The following OR4D11 variants were observed in gnomAD, a reference collection of about 807,000 sequenced individuals.
The protein encoded by OR4D11 is olfactory receptor 4D11.
Under a neutral mutation model 11.7 loss-of-function variants are expected in OR4D11, and 11 were observed. The observed-to-expected ratio is 0.94, with a 90% confidence interval of 0.59 to 1.56. The LOEUF is 1.56. OR4D11 is among the 40% of genes most tolerant of loss of function. The probability of loss-of-function intolerance (pLI) is 0.00; values close to 1 mark genes in which losing one functional copy is unlikely to be tolerated. For synonymous variants in OR4D11, 165 were observed against 150.0 expected (o/e 1.10, Z -0.73); for missense variants, 384 against 373.9 (o/e 1.03, Z -0.22).
rs750585134 is a variant in OR4D11, at chr11:59,504,054, T to A, written c.479T>A (p.Ile160Asn). 2 of 1,614,120 alleles carry A rather than the reference T, an allele frequency of 1.2e-6. No homozygotes were observed. The highest frequency in any genetic ancestry group is 1.7e-6 in the Non-Finnish European group (2 of 1,179,988). Residue 160 changes from isoleucine to asparagine, a missense_variant, in exon 1 of 1, where the codon ATC (isoleucine) becomes AAC (asparagine). Physicochemically the swap from Ile to Asn is moderately radical, Grantham distance 149 (BLOSUM62 -3). Transcript: ENST00000313253. ...GGCTTTGTCCACTCCATCGTGCAGATCTCCCTGTTGCTGCCTCTCCCTTTC... is the reference window on the plus strand; with the variant it reads ...GGCTTTGTCCACTCCATCGTGCAGAACTCCCTGTTGCTGCCTCTCCCTTTC... ...MGGFVHSIVQ[I>N]SLLLPLPFCG...
In OR4D11 at chr11:59,504,089, A is replaced by C. The variant is rs1263639826; in HGVS notation, c.514A>C (p.Asn172His). The change falls in exon 1 of 1, where the codon AAT (asparagine) becomes CAT (histidine). Residue 172 changes from asparagine (N) to histidine (H), a missense_variant. Transcript: ENST00000313253. ...GCTGCCTCTCCCTTTCTGTGGACCC[A>C]ATGTTCTTGACACTTTCTACTGCGA... The part of the protein sequence containing the change: ...LLLPLPFCGP[N>H]VLDTFYCDVP... The C allele has an allele frequency of 6.2e-7, 1 of 1,614,100 alleles. No homozygotes were observed. Among genetic ancestry groups the C allele is most frequent in the Non-Finnish European group, 8.5e-7 (1 of 1,180,016 alleles).
chr11:59,504,268 G>A lies in OR4D11; in HGVS notation c.693G>A (p.Gly231=). The change falls in exon 1 of 1, where the codon GGG becomes GGA. Residue 231 remains glycine (G), a synonymous_variant. Coordinates refer to ENST00000313253, the MANE Select transcript of OR4D11 (RefSeq NM_001004706.1). ...TGACGCTGAGGTCTCAGGCAGGAGG[G>A]GGCAGGAGGAAAGCCATCTCCACTT... ...ILMTLRSQAG[G]GRRKAISTCT... 6.2e-7 allele frequency: 1 copy of A among 1,614,106 alleles called. No homozygotes were observed. Among genetic ancestry groups the A allele is most frequent in the Non-Finnish European group, 8.5e-7 (1 of 1,180,004 alleles).
rs1348123529 is a variant in OR4D11, at chr11:59,504,134, C to T, written c.559C>T (p.Leu187Phe). Residue 187 changes from leucine to phenylalanine, a missense_variant, in exon 1 of 1, where the codon CTC becomes TTC. Physicochemically the swap from Leu to Phe is conservative, Grantham distance 22. Transcript: ENST00000313253. ...FYCDVPQVLK[L>F]TCTDTFALEF... is the part of the protein sequence containing the mutation. ...CTGCGATGTCCCCCAGGTCCTCAAA[C>T]TCACTTGCACTGACACTTTTGCTCT... The T allele has an allele frequency of 1.9e-6, 3 of 1,614,228 alleles. No homozygotes were observed. In the South Asian group the frequency reaches 3.3e-5, roughly 18 times the overall value.
Position 59,504,092 on chromosome 11 carries a change from G to A in OR4D11, c.517G>A (p.Val173Ile), listed in dbSNP as rs748877102. The A allele has an allele frequency of 3.1e-6, 5 of 1,614,030 alleles. No individual in the cohort carries two copies. The highest frequency in any genetic ancestry group is 1.6e-4 in the Middle Eastern group (1 of 6,082). The change falls in exon 1 of 1, where the codon GTT becomes ATT. Residue 173 changes from valine (V) to isoleucine (I), a missense_variant. Coordinates refer to ENST00000313253, the MANE Select transcript of OR4D11 (RefSeq NM_001004706.1). ...LLPLPFCGPNVLDTFYCDVPQ... is the reference protein window; with the variant it reads ...LLPLPFCGPNILDTFYCDVPQ... ...GCCTCTCCCTTTCTGTGGACCCAATGTTCTTGACACTTTCTACTGCGATGT... is the reference window on the plus strand; with the variant it reads ...GCCTCTCCCTTTCTGTGGACCCAATATTCTTGACACTTTCTACTGCGATGT...
Position 59,504,095 on chromosome 11 carries a change from C to G in OR4D11, c.520C>G (p.Leu174Val). Residue 174 changes from leucine (L) to valine (V), a missense_variant, in exon 1 of 1, where the codon CTT (leucine) becomes GTT (valine). Physicochemically the swap from Leu to Val is conservative, Grantham distance 32. Transcript: ENST00000313253. Reference sequence around the variant, plus strand: ...TCTCCCTTTCTGTGGACCCAATGTTCTTGACACTTTCTACTGCGATGTCCC... The same window carrying G: ...TCTCCCTTTCTGTGGACCCAATGTTGTTGACACTTTCTACTGCGATGTCCC... ...LPLPFCGPNV[L>V]DTFYCDVPQV... 2 of 1,614,198 alleles carry G rather than the reference C, an allele frequency of 1.2e-6. No homozygotes were observed. Among genetic ancestry groups the G allele is most frequent in the Non-Finnish European group, 8.5e-7 (1 of 1,180,042 alleles).
Position 59,503,712 on chromosome 11 carries a change from T to C in OR4D11, c.137T>C (p.Met46Thr). Residue 46 changes from methionine (M) to threonine (T), a missense_variant, in exon 1 of 1, where the codon ATG (methionine) becomes ACG (threonine). Physicochemically the swap from Met to Thr is moderately conservative, Grantham distance 81. Coordinates refer to ENST00000313253, the MANE Select transcript of OR4D11 (RefSeq NM_001004706.1). ...MTTLLGNLLI[M>T]VTVTCESRLH... Reference sequence around the variant, plus strand: ...ACTCTGCTGGGAAACCTCCTCATCATGGTCACCGTGACCTGTGAGTCTCGC... The same window carrying C: ...ACTCTGCTGGGAAACCTCCTCATCACGGTCACCGTGACCTGTGAGTCTCGC... 1 of 1,613,532 alleles carries C rather than the reference T, an allele frequency of 6.2e-7. No homozygotes were observed. Among genetic ancestry groups the C allele is most frequent in the Non-Finnish European group, 8.5e-7 (1 of 1,179,454 alleles).
In OR4D11 at chr11:59,504,463, A is replaced by G; in HGVS notation, c.888A>G (p.Ser296=). ...CTCTGAGGAACCAGGAAATGAAGTC[A>G]GCCATGAGAAGACTGAAGAGAAGAC... The part of the protein sequence containing the change: ...IYTLRNQEMK[S]AMRRLKRRLV... The change falls in exon 1 of 1, where the codon TCA becomes TCG. Residue 296 remains serine (S), a synonymous_variant. Transcript: ENST00000313253. 1 of 1,614,198 alleles carries G rather than the reference A, an allele frequency of 6.2e-7. No individual in the cohort carries two copies. The highest frequency in any genetic ancestry group is 1.3e-5 in the African/African-American group (1 of 75,064).
chr11:59,504,468 T>A lies in OR4D11; in HGVS notation c.893T>A (p.Met298Lys), dbSNP rs779610017. 6.2e-7 allele frequency: 1 copy of A among 1,614,096 alleles called. No homozygotes were observed. The highest frequency in any genetic ancestry group is 1.1e-5 in the South Asian group (1 of 91,082). Reference sequence around the variant, plus strand: ...AGGAACCAGGAAATGAAGTCAGCCATGAGAAGACTGAAGAGAAGACTCGTG... The same window carrying A: ...AGGAACCAGGAAATGAAGTCAGCCAAGAGAAGACTGAAGAGAAGACTCGTG... ...TLRNQEMKSA[M>K]RRLKRRLVPS... The change falls in exon 1 of 1, where the codon ATG becomes AAG. Residue 298 changes from methionine to lysine, a missense_variant. By Grantham distance (95) the Met-to-Lys change is moderately conservative (BLOSUM62 -1). Transcript: ENST00000313253.
rs778589490 is a variant in OR4D11 at position 59,504,371 on chromosome 11, C to G, written c.796C>G (p.Pro266Ala). ...CTATGCCCGGCCCTTCACTGCCCTC[C>G]CCACAGAAAAGGCCATCTCTGTCAC... is the stretch of plus-strand genomic sequence containing the variant. Reference protein sequence around the residue: ...YVYARPFTALPTEKAISVTFT... With the variant: ...YVYARPFTALATEKAISVTFT... The change falls in exon 1 of 1, where the codon CCC (proline) becomes GCC (alanine). Residue 266 changes from proline (P) to alanine (A), a missense_variant. By Grantham distance (27) the Pro-to-Ala change is conservative. Coordinates refer to ENST00000313253, the MANE Select transcript of OR4D11 (RefSeq NM_001004706.1). 6.2e-7 allele frequency: 1 copy of G among 1,614,114 alleles called. No homozygotes were observed. Among genetic ancestry groups the G allele is most frequent in the East Asian group, 2.2e-5 (1 of 44,882 alleles).
rs931279699 is a variant in OR4D11 at position 59,504,491 on chromosome 11, G to A, written c.916G>A (p.Val306Met). 21 of 1,612,876 alleles carry A rather than the reference G, an allele frequency of 1.3e-5. No homozygotes were observed. The highest frequency in any genetic ancestry group is 5.0e-5 in the Admixed American group (3 of 59,970). Residue 306 changes from valine (V) to methionine (M), a missense_variant, in exon 1 of 1, where the codon GTG becomes ATG. By Grantham distance (21) the Val-to-Met change is conservative (BLOSUM62 1). Coordinates refer to ENST00000313253, the MANE Select transcript of OR4D11 (RefSeq NM_001004706.1). Reference sequence around the variant, plus strand: ...CATGAGAAGACTGAAGAGAAGACTCGTGCCTTCTGAAAGGGAATAGAAAAC... The same window carrying A: ...CATGAGAAGACTGAAGAGAAGACTCATGCCTTCTGAAAGGGAATAGAAAAC... The part of the protein sequence containing the change: ...SAMRRLKRRL[V>M]PSERE
Position 59,503,610 on chromosome 11 carries a change from T to C in OR4D11, c.35T>C (p.Phe12Ser). Residue 12 changes from phenylalanine to serine, a missense_variant, in exon 1 of 1, where the codon TTT (phenylalanine) becomes TCT (serine). Physicochemically the swap from Phe to Ser is radical, Grantham distance 155 (BLOSUM62 -2). Coordinates refer to ENST00000313253, the MANE Select transcript of OR4D11 (RefSeq NM_001004706.1). ...ELGNVTRVKE[F>S]IFLGLTQSQD... Reference sequence around the variant, plus strand: ...GGAAATGTCACCAGAGTAAAAGAATTTATATTTCTGGGACTTACTCAATCC... The same window carrying C: ...GGAAATGTCACCAGAGTAAAAGAATCTATATTTCTGGGACTTACTCAATCC... 6.5e-7 allele frequency: 1 copy of C among 1,533,562 alleles called. No homozygotes were observed. Among genetic ancestry groups the C allele is most frequent in the South Asian group, 1.2e-5 (1 of 84,760 alleles). The allele number at this position is 1,533,562 out of a possible 1,614,324, so 95.0% of individuals were successfully genotyped here.
At position 59,503,976 on chromosome 11, in the gene OR4D11, C is replaced by T. The variant is rs753126010; in HGVS notation, c.401C>T (p.Thr134Ile). The change falls in exon 1 of 1, where the codon ACC becomes ATC. Residue 134 changes from threonine (T) to isoleucine (I), a missense_variant. Physicochemically the swap from Thr to Ile is moderately conservative, Grantham distance 89. Coordinates refer to ENST00000313253, the MANE Select transcript of OR4D11 (RefSeq NM_001004706.1). ...MAISKPLHYV[T>I]IMSRGQCTAL... ...ATCTCCAAGCCCCTGCACTATGTGACCATCATGAGTAGAGGGCAATGCACT... is the reference window on the plus strand; with the variant it reads ...ATCTCCAAGCCCCTGCACTATGTGATCATCATGAGTAGAGGGCAATGCACT... 16 of 1,614,128 alleles carry T rather than the reference C, an allele frequency of 9.9e-6. No individual in the cohort carries two copies. The East Asian group carries it at 3.1e-4, about 31-fold the overall frequency.
rs1302117558 is a variant in OR4D11, at chr11:59,504,415, T to C, written c.840T>C (p.Pro280=). ...CTGTCACCTTCACTGTCATCTCCCC[T>C]CTGCTGAACCCTTTGATCTACACTC... is the stretch of plus-strand genomic sequence containing the variant. The part of the protein sequence containing the change: ...AISVTFTVIS[P]LLNPLIYTLR... Residue 280 remains proline, a synonymous_variant, in exon 1 of 1, where the codon CCT becomes CCC. Coordinates refer to ENST00000313253, the MANE Select transcript of OR4D11 (RefSeq NM_001004706.1). 3 of 1,607,502 alleles carry C rather than the reference T, an allele frequency of 1.9e-6. No individual in the cohort carries two copies. The South Asian group carries it at 3.3e-5, about 18-fold the overall frequency.
chr11:59,503,806 T>G lies in OR4D11; in HGVS notation c.231T>G (p.Thr77=), dbSNP rs1859227198. The G allele has an allele frequency of 1.2e-6, 2 of 1,613,236 alleles. No individual in the cohort carries two copies. The highest frequency in any genetic ancestry group is 1.3e-5 in the African/African-American group (1 of 74,888). The change falls in exon 1 of 1, where the codon ACT becomes ACG. Residue 77 remains threonine, a synonymous_variant. Coordinates refer to ENST00000313253, the MANE Select transcript of OR4D11 (RefSeq NM_001004706.1). ...AILDICFSST[T]APKVLLDLLS... ...TTGACATCTGCTTCTCCTCCACAAC[T>G]GCTCCTAAAGTCTTGCTGGACCTTC...
Position 59,504,462 on chromosome 11 carries a change from C to G in OR4D11, c.887C>G (p.Ser296Ter). Residue 296 changes from serine (S) to a stop codon, truncating the protein, a stop_gained, in exon 1 of 1, where the codon TCA (serine) becomes TGA (stop). Coordinates refer to ENST00000313253, the MANE Select transcript of OR4D11 (RefSeq NM_001004706.1). LOFTEE classifies it high-confidence loss of function. ...ACTCTGAGGAACCAGGAAATGAAGTCAGCCATGAGAAGACTGAAGAGAAGA... is the reference window on the plus strand; with the variant it reads ...ACTCTGAGGAACCAGGAAATGAAGTGAGCCATGAGAAGACTGAAGAGAAGA... ...IYTLRNQEMK[S>*]AMRRLKRRLV... is the part of the protein sequence containing the mutation. 6.2e-7 allele frequency: 1 copy of G among 1,614,174 alleles called. No individual in the cohort carries two copies. The highest frequency in any genetic ancestry group is 8.5e-7 in the Non-Finnish European group (1 of 1,180,022).
In OR4D11 at chr11:59,504,297, C is replaced by A. The variant is rs745442885; in HGVS notation, c.722C>A (p.Thr241Asn). 8.2e-5 allele frequency: 132 copies of A among 1,614,022 alleles called. 1 individual carries two copies. In the South Asian group the frequency reaches 1.1e-3, roughly 13 times the overall value. Residue 241 changes from threonine (T) to asparagine (N), a missense_variant, in exon 1 of 1, where the codon ACC (threonine) becomes AAC (asparagine). By Grantham distance (65) the Thr-to-Asn change is moderately conservative (BLOSUM62 0). Transcript: ENST00000313253. ...AGGAGGAAAGCCATCTCCACTTGCA[C>A]CTCCCACATCACTGTGGTGACCCTG... ...GGRRKAISTC[T>N]SHITVVTLHF...
Position 59,503,837 on chromosome 11 carries a change from A to G in OR4D11, c.262A>G (p.Lys88Glu), listed in dbSNP as rs763644517. 6.2e-7 allele frequency: 1 copy of G among 1,614,042 alleles called. No individual in the cohort carries two copies. The highest frequency in any genetic ancestry group is 1.7e-5 in the Admixed American group (1 of 60,006). The change falls in exon 1 of 1, where the codon AAG becomes GAG. Residue 88 changes from lysine (K) to glutamate (E), a missense_variant. By Grantham distance (56) the Lys-to-Glu change is moderately conservative. Coordinates refer to ENST00000313253, the MANE Select transcript of OR4D11 (RefSeq NM_001004706.1). ...TAAAGTCTTGCTGGACCTTCTGTCA[A>G]AGAAAAAGACCATATCCTATACAAG... Reference protein sequence around the residue: ...APKVLLDLLSKKKTISYTSCM... With the variant: ...APKVLLDLLSEKKTISYTSCM...
Position 59,503,887 on chromosome 11 carries a change from C to T in OR4D11, c.312C>T (p.Phe104=). The change falls in exon 1 of 1, where the codon TTC becomes TTT. Residue 104 remains phenylalanine (F), a synonymous_variant. Coordinates refer to ENST00000313253, the MANE Select transcript of OR4D11 (RefSeq NM_001004706.1). ...YTSCMTQIFL[F]HLLGGADIFS... ...GCTGCATGACACAGATATTTCTCTT[C>T]CACCTCCTTGGTGGGGCAGACATTT... 1 of 1,613,978 alleles carries T rather than the reference C, an allele frequency of 6.2e-7. No homozygotes were observed. Among genetic ancestry groups the T allele is most frequent in the South Asian group, 1.1e-5 (1 of 91,078 alleles).
rs1251589486 is a variant in OR4D11, at chr11:59,503,608, A to G, written c.33A>G (p.Glu11=). 6.5e-6 allele frequency: 10 copies of G among 1,530,336 alleles called. No homozygotes were observed. Among genetic ancestry groups the G allele is most frequent in the Non-Finnish European group, 8.9e-6 (10 of 1,120,188 alleles). 94.8% of individuals were successfully genotyped at this position (1,530,336 alleles called of 1,614,324 possible). ...TGGGAAATGTCACCAGAGTAAAAGA[A>G]TTTATATTTCTGGGACTTACTCAAT... MELGNVTRVK[E]FIFLGLTQSQ... The change falls in exon 1 of 1, where the codon GAA becomes GAG. Residue 11 remains glutamate (E), a synonymous_variant. Coordinates refer to ENST00000313253, the MANE Select transcript of OR4D11 (RefSeq NM_001004706.1).
Sources: allele counts gnomAD v4.1 joint callset, GRCh38; gene constraint gnomAD v4.1.1; transcripts MANE v1.5; gene names NCBI Gene and HGNC (gene_info 2026-07-23, HGNC 2026-07-21).